MAPK14: variants seen among roughly 807,000 people sequenced by gnomAD.
MAPK14 encodes mitogen-activated protein kinase 14.
A neutral mutation model predicts 49.6 loss-of-function variants in MAPK14; 16 were observed. The observed-to-expected ratio is 0.32, with a 90% confidence interval of 0.22 to 0.49. MAPK14 has a LOEUF of 0.49. Among genes scored for constraint, MAPK14 ranks in the 20% least tolerant of loss-of-function variants. The pLI, the probability that MAPK14 is intolerant of heterozygous loss-of-function variation, is 0.99. For missense variants in MAPK14, 200 were observed against 441.2 expected, an observed-to-expected ratio of 0.45 and a Z score of 4.90; for synonymous variants, 142 against 158.0, an observed-to-expected ratio of 0.90 and a Z score of 0.76.
At chr6:36,064,605 C>T (rs1361784365) in intron 3 of MAPK14, among the ~76,000 whole-genome samples, 1 of 152,154 alleles carries the variant, frequency 6.6e-6, no homozygotes, top group Admixed American at 6.5e-5. Flanking sequence ...TCACTTCTTC[C>T]ACTTACTAAC....
At chr6:36,123,425 G>A in the MAPK14 span, among the ~76,000 whole-genome samples, 81 of 152,338 alleles carry the variant, frequency 5.3e-4, no homozygotes, top group African/African-American at 1.9e-3. Context: ...AGGACAGATT[G>A]TATCAGACTG....
At chr6:36,081,447 T>C (rs1387000218) in intron 8 of MAPK14, among the ~76,000 whole-genome samples, 2 of 152,194 alleles carry the variant, frequency 1.3e-5, no homozygotes, top group Non-Finnish European at 2.9e-5. Flanking sequence ...AGACTATTAC[T>C]TCCCCCATCG....
At chr6:36,036,079 T>C (rs960351208) in intron 1 of MAPK14, among the ~76,000 whole-genome samples, 1 of 151,714 alleles carries the variant, frequency 6.6e-6, no homozygotes, top group Non-Finnish European at 1.5e-5. Context: ...CAAAAATTTG[T>C]TTTTTATATT....
chr6:36,116,678 A>G, the MAPK14 span, among the ~76,000 whole-genome samples: 1 of 152,166 alleles, frequency 6.6e-6, no homozygotes, highest in Non-Finnish European at 1.5e-5. Context: ...CTGCTGACAG[A>G]TCAAATGACT....
intron 1 of MAPK14, among the ~76,000 whole-genome samples, chr6:36,046,857 C>T (rs1007915519): frequency 6.6e-6 from 1 of 152,216 alleles, no homozygotes; most frequent in African/African-American, 2.4e-5. Flanking sequence ...GTTAATTGAA[C>T]TTGCACACTT....
intron 8 of MAPK14, chr6:36,092,202 G>A (rs761747956): frequency 2.2e-4 from 119 of 539,220 alleles, no homozygotes; most frequent in African/African-American, 3.4e-4. Context: ...CGTCATCTCC[G>A]TTAATGATTA....
intron 6 of MAPK14, among the ~76,000 whole-genome samples, 161 bp downstream of exon 6, chr6:36,074,257 G>C (rs1391299841): frequency 6.6e-6 from 1 of 152,110 alleles, no homozygotes; most frequent in Non-Finnish European, 1.5e-5. Flanking sequence ...TTCTGAGTAA[G>C]CTAAGTGACA....
chr6:36,082,876 T>G (rs929449514), intron 8 of MAPK14, among the ~76,000 whole-genome samples: 21 of 152,238 alleles, frequency 1.4e-4, no homozygotes, highest in African/African-American at 5.1e-4. Flanking sequence ...ACATTGAAAC[T>G]TAATTACACA....
At chr6:36,050,746 A>G (rs1763363279) in intron 1 of MAPK14, among the ~76,000 whole-genome samples, 1 of 152,222 alleles carries the variant, frequency 6.6e-6, no homozygotes, top group Non-Finnish European at 1.5e-5. Context: ...GCTGCCAAGG[A>G]AGACTCCTAC....
intron 1 of MAPK14, among the ~76,000 whole-genome samples, chr6:36,036,733 A>AATATT (rs1554171488): frequency 6.6e-6 from 1 of 151,734 alleles, no homozygotes; most frequent in East Asian, 2.0e-4. Flanking sequence ...TAGCAAAAAA[A>AATATT]TATTTATTTA....
the MAPK14 span, among the ~76,000 whole-genome samples, chr6:36,118,272 C>T: frequency 6.6e-6 from 1 of 152,154 alleles, no homozygotes; most frequent in African/African-American, 2.4e-5. Context: ...TGTCTTGCAC[C>T]CTCATTCAGC....
chr6:36,099,238 G>T (rs533179221), intron 9 of MAPK14, among the ~76,000 whole-genome samples: 1 of 152,354 alleles, frequency 6.6e-6, no homozygotes, highest in African/African-American at 2.4e-5. Flanking sequence ...GGGGTTTATT[G>T]AATTACATTG....
At chr6:36,066,008 G>A (rs374125239) in intron 3 of MAPK14, among the ~76,000 whole-genome samples, 1 of 152,168 alleles carries the variant, frequency 6.6e-6, no homozygotes, top group South Asian at 2.1e-4. Flanking sequence ...CAAAAAACAG[G>A]GTCTTATGCT....
At chr6:36,055,138 T>C (rs1427497782) in intron 2 of MAPK14, among the ~76,000 whole-genome samples, 1 of 152,236 alleles carries the variant, frequency 6.6e-6, no homozygotes, top group Non-Finnish European at 1.5e-5. Context: ...CTTCTGACCT[T>C]GATCTCGTTA....
intron 3 of MAPK14, among the ~76,000 whole-genome samples, chr6:36,070,512 A>AATTC (rs1764227856): frequency 6.6e-6 from 1 of 152,242 alleles, no homozygotes; most frequent in Non-Finnish European, 1.5e-5. Flanking sequence ...TGGACACAGA[A>AATTC]TAAGTGCTAG....
chr6:36,081,151 C>T (rs1386225530), intron 8 of MAPK14, among the ~76,000 whole-genome samples: 1 of 152,072 alleles, frequency 6.6e-6, no homozygotes, highest in Admixed American at 6.6e-5. Context: ...TCCTTTGATA[C>T]ATAAAACATT....
At chr6:36,092,375 T>A (rs1406817551) in intron 8 of MAPK14, 3 of 663,912 alleles carry the variant, frequency 4.5e-6, no homozygotes, top group Non-Finnish European at 8.4e-6. Context: ...CAGGGAACTC[T>A]ATGCAGTAGC....
At chr6:36,043,311 C>T (rs1763039296) in intron 1 of MAPK14, among the ~76,000 whole-genome samples, 2 of 152,196 alleles carry the variant, frequency 1.3e-5, no homozygotes, top group Middle Eastern at 3.4e-3. Flanking sequence ...TCTTAAATCT[C>T]CTGCTACTCT....
Position 36,108,566 on chromosome 6 carries a change from G to T in MAPK14, c.*119G>T. 1.2e-6 allele frequency: 1 copy of T among 802,436 alleles called. No homozygotes were observed. The highest frequency in any genetic ancestry group is 1.4e-5 in the South Asian group (1 of 70,520). 49.7% of individuals were successfully genotyped at this position (802,436 alleles called of 1,614,324 possible). A position where few individuals can be genotyped will look rare whatever the true frequency, so the allele number is the denominator to read the frequency against. On this transcript the variant is annotated 3_prime_UTR_variant, in exon 12 of 12. Transcript: ENST00000229794. ...CAGAGATTTCCTCCATGGTGGAAGG[G>T]GGTGTGCGTGCGTGTGCGTGCGTGT...
Sources: allele counts gnomAD v4.1 joint callset (sites outside exome capture counted in the v4.1 genomes callset), GRCh38; gene constraint gnomAD v4.1.1; transcripts MANE v1.5; gene names NCBI Gene and HGNC (gene_info 2026-07-23, HGNC 2026-07-21).